The following PDRG1 variants were observed in gnomAD, a reference collection of about 807,000 sequenced individuals.
The protein encoded by PDRG1 is p53 and DNA damage regulated 1.
PDRG1 carries 14 observed loss-of-function variants against 18.4 expected under a neutral mutation model. That is an observed-to-expected ratio of 0.76 (90% CI 0.50 to 1.19). PDRG1 has a LOEUF of 1.19. PDRG1 is among the 50% of genes most tolerant of loss of function. The pLI is 0.00. For missense variants in PDRG1, 177 were observed against 160.1 expected, an observed-to-expected ratio of 1.11 and a Z score of -0.57; for synonymous variants, 65 against 60.9, an observed-to-expected ratio of 1.07 and a Z score of -0.31.
At chr20:31,947,679 G>C (rs1315591916) in intron 3 of PDRG1, among the ~76,000 whole-genome samples, 1 of 152,148 alleles carries the variant, frequency 6.6e-6, no homozygotes, top group Non-Finnish European at 1.5e-5. Context: ...GATCACCTGA[G>C]GTCACTTAGA....
rs1255535970 is a variant in PDRG1 at position 31,944,528 on chromosome 20, G to T, written c.*1279C>A. The T allele has an allele frequency of 6.6e-6, 1 of 152,314 alleles. No individual in the cohort carries two copies. Among genetic ancestry groups the T allele is most frequent in the Non-Finnish European group, 1.5e-5 (1 of 68,140 alleles). 9.4% of individuals were successfully genotyped at this position (152,314 alleles called of 1,614,324 possible). A position where few individuals can be genotyped will look rare whatever the true frequency, so the allele number is the denominator to read the frequency against. ...TTGCACAAAAATTATTAGCTTATAA[G>T]ACACCAGCCTTCCCCTTGCTTTCCT... On this transcript the variant is annotated 3_prime_UTR_variant, in exon 5 of 5. Transcript: ENST00000202017.
At chr20:31,948,718 G>GCTGCCTGAAGCCTGA in intron 3 of PDRG1, 90 bp downstream of exon 3, 1 of 1,220,598 alleles carries the variant, frequency 8.2e-7, no homozygotes, top group East Asian at 2.4e-5. Flanking sequence ...CTCTCCTTAC[G>GCTGCCTGAAGCCTGA]CTGCCTGAAG....
In PDRG1 at chr20:31,951,862, A is replaced by G; in HGVS notation, c.87+13T>C. ...CGGCCGCCAGGCCCCAGCGCCGCGG[A>G]GGGGCCTCTCACCTGCCGCTTGTCC... is the stretch of plus-strand genomic sequence containing the variant. On this transcript the variant is annotated intron_variant, in intron 1 of 4. Coordinates refer to ENST00000202017, the MANE Select transcript of PDRG1 (RefSeq NM_030815.3). The G allele has an allele frequency of 1.3e-6, 2 of 1,565,678 alleles. No individual in the cohort carries two copies. Among genetic ancestry groups the G allele is most frequent in the Admixed American group, 1.9e-5 (1 of 52,652 alleles).
intron 3 of PDRG1, 63 bp downstream of exon 3, chr20:31,948,745 G>T: frequency 6.8e-7 from 1 of 1,475,170 alleles, no homozygotes; most frequent in Non-Finnish European, 9.3e-7. Flanking sequence ...TCCCTGTTCT[G>T]GGTTAAGACC....
intron 2 of PDRG1, among the ~76,000 whole-genome samples, chr20:31,949,111 T>C (rs59058545): frequency 5.3e-5 from 8 of 152,316 alleles, no homozygotes; most frequent in South Asian, 4.1e-4. Context: ...GAGGAGGACC[T>C]TGTTAATCAT....
rs984744800 is a variant in PDRG1 at position 31,945,987 on chromosome 20, C to G, written c.320-98G>C. The G allele has an allele frequency of 1.2e-5, 12 of 983,246 alleles. No individual in the cohort carries two copies. In the Admixed American group the frequency reaches 1.4e-4, roughly 11 times the overall value. 60.9% of individuals were successfully genotyped at this position (983,246 alleles called of 1,614,324 possible). On this transcript the variant is annotated intron_variant, in intron 4 of 4. Transcript: ENST00000202017. The stretch of plus-strand genomic sequence containing the variant: ...GACGCTGCACTAATGCTGCCAAACT[C>G]AGCCTGGAGGTCTGGCAGGGATGGG...
chr20:31,946,012 G>A, intron 4 of PDRG1, 123 bp from the exon 5 acceptor site: 1 of 727,516 alleles, frequency 1.4e-6, no homozygotes, highest in Non-Finnish European at 2.3e-6. Context: ...GCAGGGATGG[G>A]CCTCCAATTC....
chr20:31,950,288 T>C, intron 2 of PDRG1, 24 bp downstream of exon 2: 15 of 1,557,264 alleles, frequency 9.6e-6, no homozygotes, highest in Non-Finnish European at 1.3e-5. Context: ...CCTCCAGGGC[T>C]GCACTGAGAA....
intron 2 of PDRG1, among the ~76,000 whole-genome samples, chr20:31,949,522 A>C (rs918086071): frequency 4.6e-5 from 7 of 152,228 alleles, no homozygotes; most frequent in Non-Finnish European, 8.8e-5. Flanking sequence ...CAGTGAGCCA[A>C]GATCATGCCA....
intron 4 of PDRG1, 105 bp downstream of exon 4, chr20:31,946,391 C>T (rs1199163604): frequency 6.4e-6 from 7 of 1,093,130 alleles, no homozygotes; most frequent in Admixed American, 3.4e-5. Flanking sequence ...CAGGCTGCCC[C>T]GGACACTGCC....
Position 31,945,700 on chromosome 20 carries a change from TG to T in PDRG1, c.*106del. 1.2e-6 allele frequency: 1 copy of T among 842,504 alleles called. No individual in the cohort carries two copies. The highest frequency in any genetic ancestry group is 1.8e-6 in the Non-Finnish European group (1 of 543,338). The allele number at this position is 842,504 out of a possible 1,614,324, so 52.2% of individuals were successfully genotyped here. On this transcript the variant is annotated 3_prime_UTR_variant, in exon 5 of 5. Transcript: ENST00000202017. The stretch of plus-strand genomic sequence containing the variant: ...TTTTCATGGCCAGATTCCTGACGGC[TG>T]GCCCCTTACAGGGCAGATCCTGTCC...
chr20:31,944,685 G>A lies in PDRG1; in HGVS notation c.*1122C>T, dbSNP rs1460125227. On this transcript the variant is annotated 3_prime_UTR_variant, in exon 5 of 5. Transcript: ENST00000202017. Reference sequence around the variant, plus strand: ...TGCATTAGTCAAAAATATTTAAAAGGAGATTCAACTTCACAACCCATATGT... The same window carrying A: ...TGCATTAGTCAAAAATATTTAAAAGAAGATTCAACTTCACAACCCATATGT... 6.6e-6 allele frequency: 1 copy of A among 152,144 alleles called. No individual in the cohort carries two copies. The highest frequency in any genetic ancestry group is 1.9e-4 in the East Asian group (1 of 5,200). The allele number at this position is 152,144 out of a possible 1,614,324, so 9.4% of individuals were successfully genotyped here.
At chr20:31,950,224 C>T (rs2064343655) in intron 2 of PDRG1, 88 bp downstream of exon 2, 7 of 1,054,346 alleles carry the variant, frequency 6.6e-6, no homozygotes, top group African/African-American at 3.2e-5. Context: ...CTGTGACCTC[C>T]TGCCTGATCT....
intron 3 of PDRG1, 90 bp from the exon 4 acceptor site, chr20:31,946,666 G>A: frequency 8.6e-7 from 1 of 1,161,984 alleles, no homozygotes; most frequent in Non-Finnish European, 1.3e-6. Context: ...CCCCAGCAAG[G>A]GCGTGTAGCT....
In PDRG1 at chr20:31,944,757, T is replaced by C. The variant is rs1251643071; in HGVS notation, c.*1050A>G. 6.6e-6 allele frequency: 1 copy of C among 152,212 alleles called. No individual in the cohort carries two copies. The highest frequency in any genetic ancestry group is 1.5e-5 in the Non-Finnish European group (1 of 68,056). The allele number at this position is 152,212 out of a possible 1,614,324, so 9.4% of individuals were successfully genotyped here. A position where few individuals can be genotyped will look rare whatever the true frequency, so the allele number is the denominator to read the frequency against. ...TAAGAACTGGCCATGACAGCCTGTG[T>C]TTCTATGTAACTATGAGCCAGAGCC... On this transcript the variant is annotated 3_prime_UTR_variant, in exon 5 of 5. Transcript: ENST00000202017.
chr20:31,951,762 A>G lies in PDRG1; in HGVS notation c.87+113T>C. ...GTAGCGGCCGAATATTTATCGGCCC[A>G]GGTCTGTCGCCTCGGAGCCGTTAAC... On this transcript the variant is annotated intron_variant, in intron 1 of 4. Coordinates refer to ENST00000202017, the MANE Select transcript of PDRG1 (RefSeq NM_030815.3). The G allele has an allele frequency of 2.6e-6, 3 of 1,136,618 alleles. No homozygotes were observed. The South Asian group carries it at 4.9e-5, about 19-fold the overall frequency. 70.4% of individuals were successfully genotyped at this position (1,136,618 alleles called of 1,614,324 possible).
chr20:31,947,767 A>G (rs1330630013), intron 3 of PDRG1, among the ~76,000 whole-genome samples: 1 of 152,168 alleles, frequency 6.6e-6, no homozygotes, highest in Non-Finnish European at 1.5e-5. Flanking sequence ...GCATGCACCT[A>G]TAATTCCAGC....
chr20:31,948,184 G>A lies in PDRG1; in HGVS notation c.238+624C>T, dbSNP rs2064330337. 2.6e-5 allele frequency among the ~76,000 whole-genome samples: 4 copies of A among 152,200 alleles called. No individual in the cohort carries two copies. In the South Asian group the frequency reaches 8.3e-4, roughly 32 times the overall value. On this transcript the variant is annotated intron_variant, in intron 3 of 4. Transcript: ENST00000202017. ...CATTTTCAACCCAGTCTCTATTGCA[G>A]GGCATGTAAAAAAGAAAAGCTCACT...
chr20:31,950,176 C>A, intron 2 of PDRG1, 136 bp downstream of exon 2: 1 of 726,626 alleles, frequency 1.4e-6, no homozygotes, highest in Non-Finnish European at 2.3e-6. Context: ...CCCATCTCCC[C>A]GGACTGTTTC....
Sources: gnomAD v4.1 joint callset for allele counts (sites outside exome capture counted in the v4.1 genomes callset) on GRCh38, gnomAD v4.1.1 for gene constraint, MANE v1.5 for transcripts, NCBI Gene and HGNC (gene_info 2026-07-23, HGNC 2026-07-21) for gene names.